The following BLTP2 variants were observed in gnomAD, a reference collection of about 807,000 sequenced individuals.
BLTP2 encodes the protein bridge-like lipid transfer protein family member 2.
chr17:28,620,366 G>A, the BLTP2 span: 1 of 946,308 alleles, frequency 1.1e-6, no homozygotes, highest in Non-Finnish European at 1.6e-6. Flanking sequence ...AATTTCAATT[G>A]TCACTGCCGA....
the BLTP2 span, chr17:28,615,864 G>C: frequency 6.4e-7 from 1 of 1,564,798 alleles, no homozygotes; most frequent in Admixed American, 1.7e-5. Context: ...GCCATTTTGA[G>C]TCCCAGCCAG....
chr17:28,628,844 G>A, the BLTP2 span, among the ~76,000 whole-genome samples: 13 of 151,794 alleles, frequency 8.6e-5, no homozygotes, highest in African/African-American at 3.1e-4. Flanking sequence ...TGAGGCAGGA[G>A]AATCGCTTGA....
the BLTP2 span, among the ~76,000 whole-genome samples, chr17:28,626,396 C>A: frequency 1.3e-5 from 2 of 152,160 alleles, no homozygotes; most frequent in Admixed American, 6.5e-5. Context: ...TATATTTGGT[C>A]TTCCCTGCTT....
chr17:28,638,131 C>T, the BLTP2 span: 5 of 1,605,876 alleles, frequency 3.1e-6, no homozygotes, highest in Non-Finnish European at 4.3e-6. Context: ...TAGAAGTATG[C>T]AGGCGCACAG....
the BLTP2 span, chr17:28,637,747 C>A: frequency 1.5e-6 from 2 of 1,365,818 alleles, no homozygotes; most frequent in African/African-American, 2.9e-5. Context: ...TCTCAGCTCA[C>A]TGCAAACTCT....
the BLTP2 span, chr17:28,616,906 C>T: frequency 6.2e-7 from 1 of 1,613,986 alleles, no homozygotes; most frequent in Non-Finnish European, 8.5e-7. The surrounding 1 kb of genome is among the most constrained non-coding windows in gnomAD (Gnocchi z 4.8). Flanking sequence ...TGCTCCTTAA[C>T]AGAGATACCC....
At chr17:28,627,572 A>T in the BLTP2 span, among the ~76,000 whole-genome samples, 2 of 152,028 alleles carry the variant, frequency 1.3e-5, no homozygotes, top group African/African-American at 4.8e-5. Context: ...ATGCACGGCT[A>T]ATTTTTTTGT....
chr17:28,633,527 A>G, the BLTP2 span: 3 of 1,612,610 alleles, frequency 1.9e-6, no homozygotes, highest in African/African-American at 1.3e-5. Flanking sequence ...TGATAGGATA[A>G]AAGTATCATG....
chr17:28,631,967 T>C, the BLTP2 span: 3 of 1,608,478 alleles, frequency 1.9e-6, no homozygotes, highest in Non-Finnish European at 2.6e-6. Context: ...ATGAGAGGGA[T>C]GATTAAGGGA....
At chr17:28,632,846 T>A in the BLTP2 span, 2 of 906,558 alleles carry the variant, frequency 2.2e-6, no homozygotes, top group Non-Finnish European at 3.2e-6. Context: ...CCTTCTCCCC[T>A]CCCCTCCCCT....
chr17:28,637,296 T>C, the BLTP2 span: 4 of 773,562 alleles, frequency 5.2e-6, no homozygotes, highest in South Asian at 5.1e-5. Context: ...GTTCATTTCT[T>C]AGGTTTTAAG....
the BLTP2 span, chr17:28,624,430 A>C: frequency 6.3e-7 from 1 of 1,585,412 alleles, no homozygotes; most frequent in Non-Finnish European, 8.6e-7. Flanking sequence ...TCACAGTCTC[A>C]AAGGGAAAGA....
At chr17:28,616,946 G>A in the BLTP2 span, 1 of 1,614,144 alleles carries the variant, frequency 6.2e-7, no homozygotes, top group Non-Finnish European at 8.5e-7. The surrounding 1 kb of genome is among the most constrained non-coding windows in gnomAD (Gnocchi z 4.8). Context: ...TGCTGAAGAG[G>A]CGGAGAGCTA....
the BLTP2 span, chr17:28,642,994 G>A: frequency 6.4e-6 from 10 of 1,559,768 alleles, no homozygotes; most frequent in African/African-American, 1.4e-5. Context: ...ATAGCTGGAA[G>A]GAAGAAGCAA....
the BLTP2 span, chr17:28,620,411 A>G: frequency 1.4e-6 from 2 of 1,392,840 alleles, no homozygotes; most frequent in Non-Finnish European, 2.0e-6. Flanking sequence ...GCCCTTTTTC[A>G]GTGTGAAGCA....
chr17:28,616,968 G>T, the BLTP2 span: 1 of 1,613,922 alleles, frequency 6.2e-7, no homozygotes, highest in Non-Finnish European at 8.5e-7. This position sits in a 1 kb window ranked among gnomAD's most constrained non-coding sequence, Gnocchi z 4.8. Flanking sequence ...CTGTCGCCCA[G>T]ACTGGCAGGA....
At chr17:28,641,879 G>A in the BLTP2 span, 1 of 1,586,390 alleles carries the variant, frequency 6.3e-7, no homozygotes, top group Non-Finnish European at 8.6e-7. Flanking sequence ...CTCAATCACT[G>A]GGGCTTTACC....
chr17:28,645,120 C>T, the BLTP2 span: 1 of 1,380,598 alleles, frequency 7.2e-7, no homozygotes, highest in Non-Finnish European at 9.6e-7. Flanking sequence ...ACGCCGGATC[C>T]GCGCAGCACC....
At chr17:28,628,849 G>A in the BLTP2 span, among the ~76,000 whole-genome samples, 7 of 151,846 alleles carry the variant, frequency 4.6e-5, no homozygotes, top group Middle Eastern at 3.4e-3. Context: ...CAGGAGAATC[G>A]CTTGAACCTG....
Sources: gnomAD v4.1 joint callset for allele counts (sites outside exome capture counted in the v4.1 genomes callset) on GRCh38, gnomAD v4.1.1 for gene constraint, Gnocchi (gnomAD v3.1) non-coding constraint, MANE v1.5 for transcripts, NCBI Gene and HGNC (gene_info 2026-07-23, HGNC 2026-07-21) for gene names.